Variants in FBXW11 observed in about 807,000 individuals in gnomAD.
FBXW11 encodes the protein F-box/WD repeat-containing protein 11.
In FBXW11, 19 loss-of-function variants were observed where a neutral mutation model predicts 77.6. The ratio of observed to expected loss-of-function variants is 0.24; its 90% confidence interval spans 0.17 to 0.36. FBXW11 has a LOEUF of 0.36. Among genes scored for constraint, FBXW11 ranks in the 10% least tolerant of loss-of-function variants. FBXW11 has a pLI of 1.00. For missense variants in FBXW11, 334 were observed against 704.2 expected (o/e 0.47, Z 5.95); for synonymous variants, 235 against 249.4 (o/e 0.94, Z 0.54).
At chr5:171,994,990 A>G (rs974442630) in intron 1 of FBXW11, among the ~76,000 whole-genome samples, 1 of 152,238 alleles carries the variant, frequency 6.6e-6, no homozygotes, top group Admixed American at 6.5e-5. Context: ...GTGAGCCACA[A>G]TCTCACCAGA....
chr5:171,877,684 G>T (rs1016876995), intron 8 of FBXW11, among the ~76,000 whole-genome samples: 2 of 152,074 alleles, frequency 1.3e-5, no homozygotes, highest in Non-Finnish European at 2.9e-5. Flanking sequence ...GGTGGCGAAA[G>T]AGTCCAGGAG....
At chr5:171,888,339 G>T (rs1420730780) in intron 7 of FBXW11, among the ~76,000 whole-genome samples, 1 of 152,222 alleles carries the variant, frequency 6.6e-6, no homozygotes, top group African/African-American at 2.4e-5. Context: ...TATATGCGCA[G>T]AACAGACTGA....
intron 1 of FBXW11, among the ~76,000 whole-genome samples, chr5:171,971,932 C>T (rs10041709): frequency 0.75 from 112,310 of 150,568 alleles, 44,738 homozygotes; most frequent in East Asian, 0.95. Flanking sequence ...TGCAGTGAGC[C>T]GAGATTGTGT....
intron 1 of FBXW11, among the ~76,000 whole-genome samples, chr5:171,984,265 G>C (rs1441604908): frequency 6.6e-6 from 1 of 152,214 alleles, no homozygotes; most frequent in Non-Finnish European, 1.5e-5. Flanking sequence ...GTGCACACAT[G>C]TAAAAATTCA....
intron 9 of FBXW11, among the ~76,000 whole-genome samples, chr5:171,875,820 A>G (rs537951541): frequency 1.3e-5 from 2 of 152,282 alleles, no homozygotes; most frequent in South Asian, 4.1e-4. Context: ...TCCGGCCCAG[A>G]GTCCACCGCA....
chr5:171,906,602 T>G (rs1190583627), intron 4 of FBXW11, among the ~76,000 whole-genome samples: 1 of 152,092 alleles, frequency 6.6e-6, no homozygotes, highest in Admixed American at 6.6e-5. Context: ...ATCCTCAGAG[T>G]ACCCAATAGA....
At chr5:171,938,582 A>G (rs1762594505) in intron 2 of FBXW11, among the ~76,000 whole-genome samples, 1 of 152,246 alleles carries the variant, frequency 6.6e-6, no homozygotes, top group Non-Finnish European at 1.5e-5. Context: ...CCCTTTTGGA[A>G]GAAAATTTGT....
chr5:171,978,514 G>A (rs1273953049), intron 1 of FBXW11, among the ~76,000 whole-genome samples: 1 of 152,250 alleles, frequency 6.6e-6, no homozygotes, highest in African/African-American at 2.4e-5. Context: ...GCAAAGGCTA[G>A]TAGTAGGAGT....
chr5:171,984,947 T>C (rs141280667), intron 1 of FBXW11, among the ~76,000 whole-genome samples: 243 of 152,302 alleles, frequency 1.6e-3, no homozygotes, highest in Non-Finnish European at 2.7e-3. Context: ...CAACAGGTTA[T>C]AAAAACAAGC....
chr5:171,945,162 T>C (rs1762943012), intron 2 of FBXW11, among the ~76,000 whole-genome samples: 1 of 152,040 alleles, frequency 6.6e-6, no homozygotes, highest in East Asian at 1.9e-4. Context: ...TAAAGCAACA[T>C]AAAATAACAG....
At chr5:171,899,394 A>G (rs1168022552) in intron 5 of FBXW11, among the ~76,000 whole-genome samples, 3 of 152,188 alleles carry the variant, frequency 2.0e-5, no homozygotes, top group East Asian at 1.9e-4. Flanking sequence ...AACTTAGTAC[A>G]CATCAAACTT....
intron 4 of FBXW11, among the ~76,000 whole-genome samples, chr5:171,901,558 A>G (rs1162295079): frequency 6.6e-6 from 1 of 152,210 alleles, no homozygotes; most frequent in Non-Finnish European, 1.5e-5. Context: ...CTATGGTCTA[A>G]GAATAAAGAC....
chr5:171,968,456 C>A (rs74694575), intron 1 of FBXW11, among the ~76,000 whole-genome samples: 85 of 133,656 alleles, frequency 6.4e-4, no homozygotes, highest in Admixed American at 7.5e-4. Flanking sequence ...GACTCTGTCT[C>A]AAAAAAAAAA....
intron 3 of FBXW11, among the ~76,000 whole-genome samples, chr5:171,911,247 T>A (rs879649849): frequency 6.6e-6 from 1 of 152,240 alleles, no homozygotes; most frequent in Non-Finnish European, 1.5e-5. Context: ...TACATACATT[T>A]ATGCTAATGG....
At chr5:172,001,258 A>T (rs960298099) in intron 1 of FBXW11, among the ~76,000 whole-genome samples, 1 of 152,270 alleles carries the variant, frequency 6.6e-6, no homozygotes, top group Non-Finnish European at 1.5e-5. Context: ...AATCAAACAC[A>T]GCCTCTAGAA....
intron 2 of FBXW11, among the ~76,000 whole-genome samples, chr5:171,937,656 G>A (rs924064105): frequency 5.3e-5 from 8 of 151,620 alleles, no homozygotes; most frequent in Admixed American, 1.3e-4. Flanking sequence ...GTGAAACCCC[G>A]CCTCTACTAA....
At chr5:171,889,556 C>A (rs1039061027) in intron 7 of FBXW11, among the ~76,000 whole-genome samples, 4 of 146,634 alleles carry the variant, frequency 2.7e-5, no homozygotes, top group East Asian at 2.0e-4. Flanking sequence ...AAATTAAAAT[C>A]TTTTGCTCCA....
intron 3 of FBXW11, among the ~76,000 whole-genome samples, chr5:171,911,209 T>C (rs1486753783): frequency 6.6e-6 from 1 of 152,226 alleles, no homozygotes; most frequent in African/African-American, 2.4e-5. Flanking sequence ...ACAGTTTGTT[T>C]TACTTCCTCA....
At chr5:171,993,831 C>T (rs777402102) in intron 1 of FBXW11, among the ~76,000 whole-genome samples, 1 of 152,044 alleles carries the variant, frequency 6.6e-6, no homozygotes, top group Admixed American at 6.6e-5. Context: ...TATAAATCTC[C>T]ACATGTAGCT....
Sources: gnomAD v4.1 joint callset for allele counts (sites outside exome capture counted in the v4.1 genomes callset) on GRCh38, gnomAD v4.1.1 for gene constraint, MANE v1.5 for transcripts, NCBI Gene and HGNC (gene_info 2026-07-23, HGNC 2026-07-21) for gene names.